KIF4A: variants seen among roughly 807,000 people sequenced by gnomAD.
The protein encoded by KIF4A is kinesin family member 4A, also known as chromosome-associated kinesin KIF4A.
Under a neutral mutation model 105.9 loss-of-function variants are expected in KIF4A, and 7 were observed. The ratio of observed to expected loss-of-function variants is 0.07; its 90% CI spans 0.04 to 0.12. The LOEUF is 0.12. Among genes scored for constraint, KIF4A ranks in the 10% least tolerant of loss-of-function variants. The pLI is 1.00. For synonymous variants in KIF4A, 281 were observed against 331.3 expected (o/e 0.85, Z 1.65); for missense variants, 558 against 929.2 (o/e 0.60, Z 5.19).
rs771623675 is a variant in KIF4A, at chrX:70,354,030, AT to A, written c.1674+224del. 2.7e-5 allele frequency among the ~76,000 whole-genome samples: 3 copies of A among 112,712 alleles called. No individual in the cohort carries two copies. In the East Asian group the frequency reaches 8.3e-4, roughly 31 times the overall value. On this transcript the variant is annotated intron_variant, in intron 15 of 30. Transcript: ENST00000374403. ...CCTTACCTTATGCCACAGGTATTTA[AT>A]AAATAGTTTGATAACATTATAATAA...
chrX:70,391,640 G>A (rs1181685013), intron 20 of KIF4A, among the ~76,000 whole-genome samples: 1 of 109,969 alleles, frequency 9.1e-6, no homozygotes. Context: ...TAGGTTCAAG[G>A]ATTACATGTG....
intron 19 of KIF4A, 133 bp from the exon 20 acceptor site, chrX:70,387,051 T>C (rs779426880): frequency 2.1e-6 from 1 of 478,582 alleles, no homozygotes; most frequent in Non-Finnish European, 3.6e-6. Context: ...CAGTGTTATG[T>C]CCATGGAAGT....
chrX:70,345,477 A>AAAGAAG (rs1213159489), intron 13 of KIF4A, among the ~76,000 whole-genome samples: 1 of 108,887 alleles, frequency 9.2e-6, no homozygotes, highest in Admixed American at 1.0e-4. Flanking sequence ...AAAAAAAAAA[A>AAAGAAG]AAGAAGAAGA....
At chrX:70,324,431 T>G (rs1442433181) in intron 7 of KIF4A, among the ~76,000 whole-genome samples, 2 of 112,207 alleles carry the variant, frequency 1.8e-5, no homozygotes, top group African/African-American at 6.5e-5. Context: ...AAATATGTAC[T>G]TTATTCCTGG....
rs1410203319 is a variant in KIF4A at position 70,390,316 on chromosome X, A to G, written c.2232+3019A>G. On this transcript the variant is annotated intron_variant, in intron 20 of 30. Coordinates refer to ENST00000374403, the MANE Select transcript of KIF4A (RefSeq NM_012310.5). Reference sequence around the variant, plus strand: ...GTCTTGCCTTATTGCACTTGCTAGAACCTCCAGTACAATATTGAATAGACT... The same window carrying G: ...GTCTTGCCTTATTGCACTTGCTAGAGCCTCCAGTACAATATTGAATAGACT... Among the ~76,000 whole-genome samples the G allele has an allele frequency of 1.4e-4, 15 of 110,323 alleles. No homozygotes were observed. In the Admixed American group the frequency reaches 1.5e-3, roughly 11 times the overall value.
At chrX:70,293,775 A>G (rs1351476707) in intron 3 of KIF4A, among the ~76,000 whole-genome samples, 2 of 112,306 alleles carry the variant, frequency 1.8e-5, no homozygotes, top group African/African-American at 6.5e-5. Flanking sequence ...ACACCCGTAT[A>G]GGGCAATTAC....
rs150020300 is a variant in KIF4A, at chrX:70,298,376, A to G, written c.427-737A>G. On this transcript the variant is annotated intron_variant, in intron 4 of 30. Coordinates refer to ENST00000374403, the MANE Select transcript of KIF4A (RefSeq NM_012310.5). The stretch of plus-strand genomic sequence containing the variant: ...AGCCTTCCAAGCAGCTGGGACTACA[A>G]GCGTGTGCCACTTCGCCTGGCTAAT... Among the ~76,000 whole-genome samples, 725 of 109,557 alleles carry G rather than the reference A, an allele frequency of 6.6e-3. 42 individuals are homozygous for G. In the East Asian group the frequency reaches 0.18, roughly 27 times the overall value.
chrX:70,348,991 C>T (rs1443977392), intron 13 of KIF4A, among the ~76,000 whole-genome samples: 2 of 103,707 alleles, frequency 1.9e-5, no homozygotes, highest in African/African-American at 7.1e-5. Flanking sequence ...GGCAGAGGCA[C>T]TCCTCACCTC....
chrX:70,409,550 A>T (rs979255007), intron 28 of KIF4A, among the ~76,000 whole-genome samples: 1 of 111,549 alleles, frequency 9.0e-6, no homozygotes, highest in Non-Finnish European at 1.9e-5. Flanking sequence ...TAATCCCAGC[A>T]CTTCGGGAGG....
At position 70,369,505 on chromosome X, in the gene KIF4A, G is replaced by A. The variant is rs890541643; in HGVS notation, c.1675-4646G>A. ...ACTCTCATACATAGCTGGTAAGAGT[G>A]GAATAGCCCCTTTGGATGACAATTT... On this transcript the variant is annotated intron_variant, in intron 15 of 30. Coordinates refer to ENST00000374403, the MANE Select transcript of KIF4A (RefSeq NM_012310.5). Among the ~76,000 whole-genome samples the A allele has an allele frequency of 5.4e-5, 6 of 111,851 alleles. No individual in the cohort carries two copies. The Admixed American group carries it at 5.7e-4, about 11-fold the overall frequency.
At chrX:70,327,361 A>T (rs1438902408) in intron 7 of KIF4A, among the ~76,000 whole-genome samples, 3 of 111,034 alleles carry the variant, frequency 2.7e-5, no homozygotes, top group African/African-American at 9.8e-5. Flanking sequence ...GGAAGATCTA[A>T]GAGAGAGGGA....
chrX:70,372,978 A>G (rs2086146534), intron 15 of KIF4A, among the ~76,000 whole-genome samples: 1 of 112,428 alleles, frequency 8.9e-6, no homozygotes, highest in Admixed American at 9.4e-5. Context: ...ACTCACAGTT[A>G]AGATTTATGG....
At chrX:70,325,698 A>G (rs1482637521) in intron 7 of KIF4A, among the ~76,000 whole-genome samples, 4 of 109,725 alleles carry the variant, frequency 3.6e-5, no homozygotes, top group Non-Finnish European at 5.7e-5. Context: ...AGGAGTGTAT[A>G]CTGTACCCAA....
rs372308594 is a variant in KIF4A, at chrX:70,389,460, C to T, written c.2232+2163C>T. On this transcript the variant is annotated intron_variant, in intron 20 of 30. Coordinates refer to ENST00000374403, the MANE Select transcript of KIF4A (RefSeq NM_012310.5). ...GTGTGCGCCTGTAGTCCCAGCTACT[C>T]GGGAGGCTGAAGTGGAAGAATCGCT... is the stretch of plus-strand genomic sequence containing the variant. Among the ~76,000 whole-genome samples, 8 of 111,437 alleles carry T rather than the reference C, an allele frequency of 7.2e-5. No individual in the cohort carries two copies. In the East Asian group the frequency reaches 2.0e-3, roughly 28 times the overall value.
intron 9 of KIF4A, among the ~76,000 whole-genome samples, chrX:70,331,325 G>A (rs2085929548): frequency 9.0e-6 from 1 of 111,271 alleles, no homozygotes; most frequent in African/African-American, 3.3e-5. Context: ...TAGAAAGCAA[G>A]GAAAGAGTAC....
chrX:70,403,558 T>A (rs1431459420), intron 23 of KIF4A, among the ~76,000 whole-genome samples: 1 of 113,010 alleles, frequency 8.8e-6, no homozygotes, highest in Non-Finnish European at 1.9e-5. Context: ...AATTGTCAGA[T>A]ACTATTCGGG....
At chrX:70,335,750 T>C (rs193287847) in intron 10 of KIF4A, among the ~76,000 whole-genome samples, 36 of 111,968 alleles carry the variant, frequency 3.2e-4, no homozygotes, top group Admixed American at 6.6e-4. Context: ...CACATGGACC[T>C]AGAGTGTGGA....
Position 70,419,791 on chromosome X carries a change from G to C in KIF4A, c.3495+8G>C, listed in dbSNP as rs758797784. Reference sequence around the variant, plus strand: ...GCCACCCCCAATAGCAAGGTAGGTGGGCTAAAAGGCAGGCATTGGAAAACT... The same window carrying C: ...GCCACCCCCAATAGCAAGGTAGGTGCGCTAAAAGGCAGGCATTGGAAAACT... On this transcript the variant is annotated splice_region_variant and intron_variant, in intron 30 of 30. Coordinates refer to ENST00000374403, the MANE Select transcript of KIF4A (RefSeq NM_012310.5). 1 of 1,210,852 alleles carries C rather than the reference G, an allele frequency of 8.3e-7. No homozygotes were observed. Among genetic ancestry groups the C allele is most frequent in the Non-Finnish European group, 1.1e-6 (1 of 895,280 alleles).
chrX:70,370,796 T>C (rs1391205851), intron 15 of KIF4A, among the ~76,000 whole-genome samples: 2 of 108,926 alleles, frequency 1.8e-5, no homozygotes, highest in African/African-American at 6.7e-5. Context: ...ATTAGCCAAG[T>C]GTGGTGGCAG....
Sources: allele counts gnomAD v4.1 joint callset (sites outside exome capture counted in the v4.1 genomes callset), GRCh38; gene constraint gnomAD v4.1.1; transcripts MANE v1.5; gene names NCBI Gene and HGNC (gene_info 2026-07-23, HGNC 2026-07-21).